The following NSD2 variants were observed in gnomAD, a reference collection of about 807,000 sequenced individuals.
NSD2 encodes the protein nuclear receptor binding SET domain protein 2.
Under a neutral mutation model 139.0 loss-of-function variants are expected in NSD2, and 12 were observed. That is an observed-to-expected ratio of 0.09 (90% CI 0.06 to 0.14). NSD2 has a LOEUF of 0.14. Among genes scored for constraint, NSD2 ranks in the 10% least tolerant of loss-of-function variants. NSD2 has a pLI of 1.00. For missense variants in NSD2, 1,155 were observed against 1,745.0 expected (o/e 0.66, Z 6.02); for synonymous variants, 669 against 648.7 (o/e 1.03, Z -0.48).
chr4:1,904,370 A>T lies in NSD2; in HGVS notation c.752A>T (p.Lys251Ile). 6.2e-7 allele frequency: 1 copy of T among 1,610,618 alleles called. No individual in the cohort carries two copies. The highest frequency in any genetic ancestry group is 1.3e-5 in the African/African-American group (1 of 74,800). ...GATCCACTCCTTCACAGCTATACCA[A>T]ACTTAAAGGTATTGTGTTCTTTGGG... is the stretch of plus-strand genomic sequence containing the variant. The part of the protein sequence containing the change: ...SADPLLHSYT[K>I]LKGQKKSARQ... Residue 251 changes from lysine to isoleucine, a missense_variant, in exon 3 of 22, where the codon AAA becomes ATA. Transcript: ENST00000508803.
intron 1 of NSD2, among the ~76,000 whole-genome samples, chr4:1,884,979 G>A (rs28372055): frequency 0.012 from 1,805 of 151,754 alleles, 40 homozygotes; most frequent in African/African-American, 0.041. Context: ...GCGTGGTGGC[G>A]GCAACCTGTA....
rs199956960 is a variant in NSD2, at chr4:1,978,831, G to T, written c.4020G>T (p.Lys1340Asn). 2.1e-5 allele frequency: 34 copies of T among 1,601,498 alleles called. No individual in the cohort carries two copies. The highest frequency in any genetic ancestry group is 2.7e-5 in the Non-Finnish European group (32 of 1,171,654). The change falls in exon 22 of 22, where the codon AAG becomes AAT. Residue 1340 changes from lysine to asparagine, a missense_variant. Physicochemically the swap from Lys to Asn is moderately conservative, Grantham distance 94. This residue lies in a region of NSD2 where 132 missense variants were observed against 94.3 expected (regional missense o/e 1.40). Coordinates refer to ENST00000508803, the MANE Select transcript of NSD2 (RefSeq NM_001042424.3). ...AASVRSTKTEKPPPEPGKPKG... is the reference protein window; with the variant it reads ...AASVRSTKTENPPPEPGKPKG... ...CGGTCAGAAGCACCAAGACTGAGAA[G>T]CCCCCCCCAGAGCCAGGGAAGCCGA...
chr4:1,948,416 G>T lies in NSD2; in HGVS notation c.1882-2656G>T. On this transcript the variant is annotated intron_variant, in intron 9 of 21. Transcript: ENST00000508803. This position sits in a 1 kb window ranked among gnomAD's most constrained non-coding sequence, Gnocchi z 4.5. Reference sequence around the variant, plus strand: ...CCGAGTGAGTCACGTCACCTGGTGCGTGGAGGTGGAGCCTGCGGCTGGAGT... The same window carrying T: ...CCGAGTGAGTCACGTCACCTGGTGCTTGGAGGTGGAGCCTGCGGCTGGAGT... 1.9e-6 allele frequency: 2 copies of T among 1,066,278 alleles called. No homozygotes were observed. Among genetic ancestry groups the T allele is most frequent in the Non-Finnish European group, 2.3e-6 (2 of 878,924 alleles). The allele number at this position is 1,066,278 out of a possible 1,614,324, so 66.1% of individuals were successfully genotyped here. A position where few individuals can be genotyped will look rare whatever the true frequency, so the allele number is the denominator to read the frequency against.
Position 1,921,390 on chromosome 4 carries a change from T to C in NSD2, c.1410+2767T>C, listed in dbSNP as rs916018639. 5.9e-5 allele frequency among the ~76,000 whole-genome samples: 9 copies of C among 151,592 alleles called. No homozygotes were observed. The South Asian group carries it at 1.9e-3, about 32-fold the overall frequency. The stretch of plus-strand genomic sequence containing the variant: ...AGGAGAATTACTTGAACCCAAGAGG[T>C]GGAGGTTGCAGTGAGCCAAGATCGT... On this transcript the variant is annotated intron_variant, in intron 5 of 21. Transcript: ENST00000508803.
rs1292362146 is a variant in NSD2 at position 1,961,024 on chromosome 4, G to T, written c.3256-11G>T. On this transcript the variant is annotated splice_polypyrimidine_tract_variant and intron_variant, in intron 17 of 21. Transcript: ENST00000508803. ...CGCTTTTTGTCATGGCCACATGCTT[G>T]TGATTTCCAGGGAGAATTTGTTAAC... 1.2e-6 allele frequency: 2 copies of T among 1,608,454 alleles called. No individual in the cohort carries two copies. Among genetic ancestry groups the T allele is most frequent in the African/African-American group, 2.7e-5 (2 of 74,880 alleles).
chr4:1,966,134 A>C (rs188529460), intron 18 of NSD2, among the ~76,000 whole-genome samples: 11 of 152,358 alleles, frequency 7.2e-5, no homozygotes, highest in African/African-American at 2.6e-4. Flanking sequence ...AGACATTCCC[A>C]GATAAACAAA....
At chr4:1,913,884 A>G (rs771270110) in intron 3 of NSD2, among the ~76,000 whole-genome samples, 41 of 152,130 alleles carry the variant, frequency 2.7e-4, no homozygotes, top group Non-Finnish European at 5.0e-4. Context: ...AGAAAAACCC[A>G]CAGGCCCTGT....
At chr4:1,936,048 G>T (rs1722351116) in intron 7 of NSD2, among the ~76,000 whole-genome samples, 1 of 152,214 alleles carries the variant, frequency 6.6e-6, no homozygotes, top group Admixed American at 6.5e-5. Context: ...TCATGTTATT[G>T]TTTACTGAAT....
At chr4:1,872,613 A>T (rs1003028707) in intron 1 of NSD2, among the ~76,000 whole-genome samples, 5 of 143,878 alleles carry the variant, frequency 3.5e-5, no homozygotes, top group East Asian at 4.4e-4. Context: ...AGAGAGAGAG[A>T]GAGAGAGAGA....
intron 11 of NSD2, chr4:1,952,603 T>C: frequency 1.5e-6 from 1 of 651,332 alleles, no homozygotes; most frequent in Non-Finnish European, 2.0e-6. Context: ...GGTAACCTGG[T>C]TGGTCACCGA....
In NSD2 at chr4:1,948,631, T is replaced by G. The variant is rs1723889177; in HGVS notation, c.1882-2441T>G. The G allele has an allele frequency of 3.8e-6, 4 of 1,061,802 alleles. No homozygotes were observed. Among genetic ancestry groups the G allele is most frequent in the Non-Finnish European group, 4.6e-6 (4 of 876,168 alleles). 65.8% of individuals were successfully genotyped at this position (1,061,802 alleles called of 1,614,324 possible). A position where few individuals can be genotyped will look rare whatever the true frequency, so the allele number is the denominator to read the frequency against. On this transcript the variant is annotated intron_variant, in intron 9 of 21. Coordinates refer to ENST00000508803, the MANE Select transcript of NSD2 (RefSeq NM_001042424.3). This position sits in a 1 kb window ranked among gnomAD's most constrained non-coding sequence, Gnocchi z 4.5. ...TATTGTAAGGTCTATATTCTGTATG[T>G]GGGTCCCAGACCCTGATCAGGAAAT...
At position 1,951,060 on chromosome 4, in the gene NSD2, C is replaced by T. The variant is rs377159304; in HGVS notation, c.1882-12C>T. 11 of 1,613,798 alleles carry T rather than the reference C, an allele frequency of 6.8e-6. No individual in the cohort carries two copies. The highest frequency in any genetic ancestry group is 1.3e-5 in the African/African-American group (1 of 74,950). On this transcript the variant is annotated splice_polypyrimidine_tract_variant and intron_variant, in intron 9 of 21. Transcript: ENST00000508803. ...CGACTAGTGAACTGTCATCCGCCTC[C>T]TTCATCTCTAGGTCTCGGACAGCCC...
In NSD2 at chr4:1,918,266, C is replaced by T. The variant is rs1161442762; in HGVS notation, c.1053C>T (p.Asp351=). ...KAKFTFLYVG[D]QLHLNPQVAK... Reference sequence around the variant, plus strand: ...AGTTCACCTTTCTCTATGTGGGGGACCAGCTTCATCTCAACCCTCAAGTAG... The same window carrying T: ...AGTTCACCTTTCTCTATGTGGGGGATCAGCTTCATCTCAACCCTCAAGTAG... The change falls in exon 5 of 22, where the codon GAC becomes GAT. Residue 351 remains aspartate (D), a synonymous_variant. Coordinates refer to ENST00000508803, the MANE Select transcript of NSD2 (RefSeq NM_001042424.3). The T allele has an allele frequency of 2.5e-6, 4 of 1,613,826 alleles. No homozygotes were observed. In the South Asian group the frequency reaches 4.4e-5, roughly 18 times the overall value.
At chr4:1,960,994 C>A in intron 17 of NSD2, 41 bp from the exon 18 acceptor site, 2 of 1,561,394 alleles carry the variant, frequency 1.3e-6, no homozygotes, top group South Asian at 2.3e-5. Context: ...GAGGATTGGT[C>A]AGCACGCTTT....
intron 1 of NSD2, chr4:1,887,402 A>C (rs1715193270): frequency 6.6e-6 from 1 of 152,180 alleles, no homozygotes; most frequent in Non-Finnish European, 1.5e-5. Context: ...AAACAGCTAC[A>C]GGGCCAGGCT....
intron 5 of NSD2, among the ~76,000 whole-genome samples, chr4:1,926,901 A>G (rs1720980606): frequency 6.6e-6 from 1 of 152,202 alleles, no homozygotes; most frequent in Admixed American, 6.5e-5. Context: ...GTTGCATAAC[A>G]TGTTACCTCA....
chr4:1,921,192 T>C (rs1380530353), intron 5 of NSD2, among the ~76,000 whole-genome samples: 1 of 152,240 alleles, frequency 6.6e-6, no homozygotes, highest in East Asian at 1.9e-4. Flanking sequence ...GCATGGTGGC[T>C]CACACCTGTA....
chr4:1,875,758 A>C (rs1714206838), intron 1 of NSD2, among the ~76,000 whole-genome samples: 1 of 150,008 alleles, frequency 6.7e-6, no homozygotes, highest in South Asian at 2.1e-4. Context: ...AAATACAAAA[A>C]ATTAGCTGGG....
chr4:1,904,501 A>G lies in NSD2; in HGVS notation c.760+123A>G, dbSNP rs1717625388. 12 of 1,037,388 alleles carry G rather than the reference A, an allele frequency of 1.2e-5. 1 individual carries two copies. In the South Asian group the frequency reaches 2.1e-4, roughly 18 times the overall value. The allele number at this position is 1,037,388 out of a possible 1,614,324, so 64.3% of individuals were successfully genotyped here. Reference sequence around the variant, plus strand: ...ATGGTTCATTTTTGCAGCTTTACCTAAAGTTAGTGATTGATTCAAGTGTGA... The same window carrying G: ...ATGGTTCATTTTTGCAGCTTTACCTGAAGTTAGTGATTGATTCAAGTGTGA... On this transcript the variant is annotated intron_variant, in intron 3 of 21. Transcript: ENST00000508803.
Sources: allele counts gnomAD v4.1 joint callset (sites outside exome capture counted in the v4.1 genomes callset), GRCh38; gene constraint gnomAD v4.1.1; regional missense constraint gnomAD v4.1.1; non-coding constraint Gnocchi (gnomAD v3.1); transcripts MANE v1.5; gene names NCBI Gene and HGNC (gene_info 2026-07-23, HGNC 2026-07-21).